NOVA1: variants seen among roughly 807,000 people sequenced by gnomAD.
NOVA1 encodes the protein NOVA alternative splicing regulator 1, also known as RNA-binding protein Nova-1.
A neutral mutation model predicts 38.0 loss-of-function variants in NOVA1; 7 were observed. That is an observed-to-expected ratio of 0.18 (90% CI 0.10 to 0.35). The LOEUF (loss-of-function observed/expected upper bound fraction) is 0.35. Among genes scored for constraint, NOVA1 ranks in the 10% least tolerant of loss-of-function variants. NOVA1 has a pLI of 1.00. For missense variants in NOVA1, 460 were observed against 616.0 expected (o/e 0.75, Z 2.68); for synonymous variants, 270 against 232.5 (o/e 1.16, Z -1.47).
At chr14:26,525,824 T>G (rs995068074) in intron 2 of NOVA1, among the ~76,000 whole-genome samples, 2 of 152,064 alleles carry the variant, frequency 1.3e-5, no homozygotes, top group African/African-American at 4.8e-5. Flanking sequence ...CTTTTTCTGA[T>G]CTCTATCCCA....
chr14:26,481,671 A>C (rs1885463472), intron 2 of NOVA1, among the ~76,000 whole-genome samples: 1 of 152,130 alleles, frequency 6.6e-6, no homozygotes, highest in Admixed American at 6.5e-5. Context: ...TGAAAAACAT[A>C]ATGTGAGTCT....
At chr14:26,568,337 A>C (rs1388428993) in intron 2 of NOVA1, 1 of 152,174 alleles carries the variant, frequency 6.6e-6, no homozygotes, top group Non-Finnish European at 1.5e-5. Context: ...AGTGCTATAC[A>C]ATGTACAGCA....
Position 26,480,000 on chromosome 14 carries a change from CGGT to C in NOVA1, c.421_423del (p.Thr141del). The C allele has an allele frequency of 6.2e-7, 1 of 1,613,932 alleles. No individual in the cohort carries two copies. The highest frequency in any genetic ancestry group is 8.5e-7 in the Non-Finnish European group (1 of 1,179,944). Reference sequence around the variant, plus strand: ...ACTTGTTTGATGCGATCTGGATTAACGGTGGTCTGGGGTTGTAGAATGCTGACT... The same window carrying C: ...ACTTGTTTGATGCGATCTGGATTAACGGTCTGGGGTTGTAGAATGCTGACT... On this transcript the variant is annotated inframe_deletion, in exon 3 of 5. Transcript: ENST00000539517.
chr14:26,508,812 T>A (rs1887837285), intron 2 of NOVA1, among the ~76,000 whole-genome samples: 1 of 151,682 alleles, frequency 6.6e-6, no homozygotes, highest in African/African-American at 2.4e-5. Context: ...CATATGATTT[T>A]AAAAAATCTT....
Position 26,492,010 on chromosome 14 carries a change from G to C in NOVA1, c.281-11867C>G, listed in dbSNP as rs146772386. 8.6e-3 allele frequency among the ~76,000 whole-genome samples: 1,304 copies of C among 151,490 alleles called. 13 individuals carry two copies. Among genetic ancestry groups the C allele is most frequent in the Middle Eastern group, 0.038 (11 of 286 alleles). The stretch of plus-strand genomic sequence containing the variant: ...TTTTGATAGCAATTAAGTCGAGTCT[G>C]TATACTTTGGGTAGTACTGATATTT... On this transcript the variant is annotated intron_variant, in intron 2 of 4. Coordinates refer to ENST00000539517, the MANE Select transcript of NOVA1 (RefSeq NM_002515.3).
intron 2 of NOVA1, among the ~76,000 whole-genome samples, chr14:26,506,444 G>A (rs560472641): frequency 3.2e-4 from 48 of 152,182 alleles, no homozygotes; most frequent in Non-Finnish European, 6.5e-4. Flanking sequence ...CTTAGTCAAA[G>A]TAAGGCCACA....
chr14:26,589,268 T>C (rs1191206194), intron 2 of NOVA1, among the ~76,000 whole-genome samples: 3 of 151,736 alleles, frequency 2.0e-5, no homozygotes, highest in African/African-American at 7.2e-5. Context: ...TGATAACATA[T>C]CTGTATTCAC....
intron 2 of NOVA1, among the ~76,000 whole-genome samples, chr14:26,560,154 G>A (rs1191485625): frequency 2.0e-5 from 3 of 151,774 alleles, no homozygotes; most frequent in African/African-American, 4.8e-5. Context: ...TGCCTGAAAG[G>A]TACATGAATT....
intron 4 of NOVA1, chr14:26,470,205 TA>T (rs1393038817): frequency 9.8e-7 from 1 of 1,019,694 alleles, no homozygotes; most frequent in African/African-American, 1.6e-5. Flanking sequence ...ATGATCATAT[TA>T]AAACCTATTT....
At position 26,572,712 on chromosome 14, in the gene NOVA1, T is replaced by TA. The variant is rs533817023; in HGVS notation, c.280+22697dup. 2.9e-3 allele frequency among the ~76,000 whole-genome samples: 392 copies of TA among 134,614 alleles called. 1 individual carries two copies. The highest frequency in any genetic ancestry group is 9.5e-3 in the African/African-American group (370 of 39,100). 88.3% of individuals were successfully genotyped at this position (134,614 alleles called of 152,430 possible). A position where few individuals can be genotyped will look rare whatever the true frequency, so the allele number is the denominator to read the frequency against. ...CATATAAGCTGAAACCTCAGCCTTA[T>TA]ATAAGGAACCGCAGTGTGTGTGTGT... On this transcript the variant is annotated intron_variant, in intron 2 of 4. Transcript: ENST00000539517.
At chr14:26,588,276 A>G (rs1354744748) in intron 2 of NOVA1, 1 of 151,330 alleles carries the variant, frequency 6.6e-6, no homozygotes. Context: ...AACATCAGTA[A>G]GACATAAAAT....
intron 2 of NOVA1, among the ~76,000 whole-genome samples, chr14:26,505,467 G>T (rs958133158): frequency 6.6e-6 from 1 of 151,998 alleles, no homozygotes; most frequent in Non-Finnish European, 1.5e-5. Flanking sequence ...CTCCCACCAT[G>T]ACTGTAAGTT....
chr14:26,511,587 AC>A (rs1888092594), intron 2 of NOVA1, among the ~76,000 whole-genome samples: 1 of 152,046 alleles, frequency 6.6e-6, no homozygotes, highest in South Asian at 2.1e-4. Context: ...CCCTGTCTCT[AC>A]TAAAAATACA....
At chr14:26,471,891 A>G (rs1160736405) in intron 4 of NOVA1, 2 of 191,268 alleles carry the variant, frequency 1.0e-5, no homozygotes, top group Non-Finnish European at 2.1e-5. Flanking sequence ...GCATGTCTCA[A>G]ATAAAAAGCA....
chr14:26,485,644 T>A (rs985632666), intron 2 of NOVA1, among the ~76,000 whole-genome samples: 4 of 152,102 alleles, frequency 2.6e-5, no homozygotes, highest in Admixed American at 6.5e-5. Context: ...TATTCTAGAA[T>A]AACGAACATA....
At chr14:26,574,398 T>C (rs8018009) in intron 2 of NOVA1, among the ~76,000 whole-genome samples, 7 of 151,526 alleles carry the variant, frequency 4.6e-5, no homozygotes. Flanking sequence ...TTGGGAAAAA[T>C]AATAAAATTA....
chr14:26,544,386 T>C (rs1890659546), intron 2 of NOVA1, among the ~76,000 whole-genome samples: 1 of 151,788 alleles, frequency 6.6e-6, no homozygotes, highest in Admixed American at 6.6e-5. Context: ...CAACATACTT[T>C]TACTACCAAT....
intron 3 of NOVA1, among the ~76,000 whole-genome samples, chr14:26,474,538 T>C (rs1430049837): frequency 6.6e-6 from 1 of 152,016 alleles, no homozygotes; most frequent in East Asian, 1.9e-4. Context: ...ATTGGACATG[T>C]ATTAATAATT....
chr14:26,458,430 T>C (rs1035473544), intron 4 of NOVA1, among the ~76,000 whole-genome samples: 8 of 152,100 alleles, frequency 5.3e-5, no homozygotes, highest in Non-Finnish European at 1.0e-4. Flanking sequence ...GATCAACCTA[T>C]ATGCCCATCA....
Sources: gnomAD v4.1 joint callset for allele counts (sites outside exome capture counted in the v4.1 genomes callset) on GRCh38, gnomAD v4.1.1 for gene constraint, MANE v1.5 for transcripts, NCBI Gene and HGNC (gene_info 2026-07-23, HGNC 2026-07-21) for gene names.